The following TENM2 variants were observed in gnomAD, a reference collection of about 807,000 sequenced individuals.
TENM2 encodes teneurin-2.
A neutral mutation model predicts 245.2 loss-of-function variants in TENM2; 52 were observed. That is an observed-to-expected ratio of 0.21 (90% CI 0.17 to 0.27). The LOEUF is 0.27. Among genes scored for constraint, TENM2 ranks in the 10% least tolerant of loss-of-function variants. The pLI is 1.00. For synonymous variants in TENM2, 1,363 were observed against 1,438.9 expected (o/e 0.95, Z 1.19); for missense variants, 3,046 against 3,666.8 (o/e 0.83, Z 4.37).
At chr5:167,801,884 A>G (rs1765805242) in intron 2 of TENM2, among the ~76,000 whole-genome samples, 1 of 125,584 alleles carries the variant, frequency 8.0e-6, no homozygotes, top group African/African-American at 3.0e-5. Flanking sequence ...GTGTTGCTGT[A>G]ACAAAACATG....
intron 2 of TENM2, among the ~76,000 whole-genome samples, chr5:167,672,320 A>G (rs560884712): frequency 6.6e-6 from 1 of 152,214 alleles, no homozygotes; most frequent in Admixed American, 6.5e-5. Context: ...CCTTTATTTT[A>G]TAAATATATG....
intron 13 of TENM2, among the ~76,000 whole-genome samples, chr5:168,173,658 C>T (rs1759062521): frequency 6.6e-6 from 1 of 152,138 alleles, no homozygotes; most frequent in Admixed American, 6.5e-5. Context: ...TACCAAGCCC[C>T]CACTCTGTGG....
intron 3 of TENM2, among the ~76,000 whole-genome samples, chr5:167,920,330 T>TAA (rs1302068443): frequency 0.013 from 1,606 of 120,866 alleles, 70 homozygotes; most frequent in African/African-American, 0.051. Flanking sequence ...TGTCTCTACT[T>TAA]AAAAAAAAAA....
At chr5:167,656,017 C>T (rs1754817308) in intron 2 of TENM2, among the ~76,000 whole-genome samples, 1 of 152,116 alleles carries the variant, frequency 6.6e-6, no homozygotes, top group Non-Finnish European at 1.5e-5. Context: ...TCATATTGCG[C>T]CGGGCCTTGT....
At chr5:167,963,204 T>C (rs1410278050) in intron 4 of TENM2, among the ~76,000 whole-genome samples, 1 of 152,202 alleles carries the variant, frequency 6.6e-6, no homozygotes, top group African/African-American at 2.4e-5. Flanking sequence ...TGAATAGGAA[T>C]TTATCTATTA....
the TENM2 span, among the ~76,000 whole-genome samples, chr5:167,265,894 T>C: frequency 1.3e-5 from 2 of 152,198 alleles, no homozygotes; most frequent in Non-Finnish European, 2.9e-5. Flanking sequence ...ATGGGCTCAT[T>C]CTTGTTCCAA....
chr5:167,033,532 T>C, the TENM2 span, among the ~76,000 whole-genome samples: 1 of 152,208 alleles, frequency 6.6e-6, no homozygotes, highest in Non-Finnish European at 1.5e-5. Flanking sequence ...CTTTGAAAGA[T>C]TTGTTGGCAA....
At chr5:167,869,386 A>G (rs1772614228) in intron 2 of TENM2, among the ~76,000 whole-genome samples, 1 of 152,236 alleles carries the variant, frequency 6.6e-6, no homozygotes, top group Admixed American at 6.5e-5. Context: ...TTATGGCAAT[A>G]TGCAAACCTG....
chr5:166,990,748 A>G, the TENM2 span, among the ~76,000 whole-genome samples: 1 of 152,210 alleles, frequency 6.6e-6, no homozygotes, highest in East Asian at 1.9e-4. Context: ...CTGTCACAAA[A>G]ATTTTTTACT....
At chr5:168,204,317 C>T (rs563140966) in intron 18 of TENM2, 55 bp from the exon 21 acceptor site, 85 of 1,574,408 alleles carry the variant, frequency 5.4e-5, no homozygotes, top group Non-Finnish European at 6.6e-5. Context: ...TTGGCCAATA[C>T]ACATGTCTTC....
chr5:168,094,614 G>A (rs1227245323), intron 8 of TENM2, among the ~76,000 whole-genome samples: 1 of 151,820 alleles, frequency 6.6e-6, no homozygotes, highest in Non-Finnish European at 1.5e-5. Flanking sequence ...TCACCATAAT[G>A]TCAAATCAGT....
chr5:167,878,572 T>C (rs1268913973), intron 3 of TENM2, among the ~76,000 whole-genome samples: 2 of 54,250 alleles, frequency 3.7e-5, no homozygotes, highest in Non-Finnish European at 1.0e-4. Context: ...TGTGCTCACG[T>C]CTGTGTGTGT....
At chr5:167,570,645 T>C (rs1361941746) in intron 2 of TENM2, among the ~76,000 whole-genome samples, 1 of 152,156 alleles carries the variant, frequency 6.6e-6, no homozygotes, top group Non-Finnish European at 1.5e-5. Context: ...ACCCTAGGAA[T>C]GCCCCCTGGA....
intron 14 of TENM2, among the ~76,000 whole-genome samples, chr5:168,194,323 A>G (rs985546728): frequency 6.6e-6 from 1 of 152,160 alleles, no homozygotes; most frequent in Non-Finnish European, 1.5e-5. Flanking sequence ...ATGGACTTTG[A>G]GCACAATATT....
At chr5:167,116,741 ACTGTCTTCAGAGAT>A in the TENM2 span, 1 of 152,118 alleles carries the variant, frequency 6.6e-6, no homozygotes, top group Admixed American at 6.5e-5. Context: ...ACGCAAAACT[ACTGTCTTCAGAGAT>A]CTAATAATTC....
At chr5:167,110,106 G>A in the TENM2 span, among the ~76,000 whole-genome samples, 1 of 152,124 alleles carries the variant, frequency 6.6e-6, no homozygotes, top group Admixed American at 6.6e-5. Context: ...GTGCAGGGGT[G>A]GGGAGGCCGA....
At chr5:167,088,440 A>G in the TENM2 span, among the ~76,000 whole-genome samples, 2 of 152,018 alleles carry the variant, frequency 1.3e-5, no homozygotes, top group East Asian at 3.9e-4. Flanking sequence ...TAGTCTGGCC[A>G]ACATGGTGAA....
chr5:168,158,850 T>TATATATATATACACAC (rs1339051385), intron 12 of TENM2, among the ~76,000 whole-genome samples: 37 of 62,294 alleles, frequency 5.9e-4, no homozygotes, highest in African/African-American at 1.2e-3. Flanking sequence ...TATATATATA[T>TATATATATATACACAC]ACACACACAC....
chr5:167,833,031 A>G (rs1768647448), intron 2 of TENM2, among the ~76,000 whole-genome samples: 1 of 152,164 alleles, frequency 6.6e-6, no homozygotes, highest in African/African-American at 2.4e-5. Flanking sequence ...GTACAGAACT[A>G]AAAAGGGTAC....
Sources: gnomAD v4.1 joint callset for allele counts (sites outside exome capture counted in the v4.1 genomes callset) on GRCh38, gnomAD v4.1.1 for gene constraint, MANE v1.5 for transcripts, NCBI Gene and HGNC (gene_info 2026-07-23, HGNC 2026-07-21) for gene names.